The following CHST6 variants were observed in gnomAD, a reference collection of about 807,000 sequenced individuals.
The protein encoded by CHST6 is carbohydrate sulfotransferase 6.
For missense variants in CHST6, 698 were observed against 586.2 expected, an observed-to-expected ratio of 1.19 and a Z score of -1.97; for synonymous variants, 309 against 276.4, an observed-to-expected ratio of 1.12 and a Z score of -1.17.
rs751949248 is a variant in CHST6 at position 75,478,972 on chromosome 16, G to A, written c.857C>T (p.Ala286Val). 2.7e-5 allele frequency: 44 copies of A among 1,612,804 alleles called. 1 individual carries two copies. The Admixed American group carries it at 6.7e-4, about 24-fold the overall frequency. Residue 286 changes from alanine (A) to valine (V), a missense_variant, in exon 3 of 3, where the codon GCG becomes GTG. Ala to Val is a moderately conservative substitution (Grantham distance 64, BLOSUM62 0). Coordinates refer to ENST00000332272, the MANE Select transcript of CHST6 (RefSeq NM_021615.5). Reference protein sequence around the residue: ...LAREPLAEIRALYAFTGLSLT... With the variant: ...LAREPLAEIRVLYAFTGLSLT... ...ACTGAGCCCAGTGAAGGCGTAGAGC[G>A]CACGGATTTCTGCCAGCGGCTCCCG...
rs545535100 is a variant in CHST6, at chr16:75,484,184, A to G, written c.-91-2293T>C. Among the ~76,000 whole-genome samples the G allele has an allele frequency of 7.9e-5, 12 of 151,782 alleles. No individual in the cohort carries two copies. The South Asian group carries it at 2.5e-3, about 32-fold the overall frequency. ...GAAACCCCGTCTCTACTAAAAATAT[A>G]AAAATAGCCAGGCATGATGGCAGGC... On this transcript the variant is annotated intron_variant, in intron 1 of 2. Transcript: ENST00000332272.
In CHST6 at chr16:75,474,426, C is replaced by T. The variant is rs149232352; in HGVS notation, c.*4215G>A. The T allele has an allele frequency of 9.0e-4, 349 of 389,474 alleles. No individual in the cohort carries two copies. The highest frequency in any genetic ancestry group is 6.8e-3 in the African/African-American group (329 of 48,540). The allele number at this position is 389,474 out of a possible 1,614,324, so 24.1% of individuals were successfully genotyped here. Reference sequence around the variant, plus strand: ...AGTAGCTAGGACTACAGGTGCACGACACCATGCCCTGCTAATTTTTTTTTA... The same window carrying T: ...AGTAGCTAGGACTACAGGTGCACGATACCATGCCCTGCTAATTTTTTTTTA... On this transcript the variant is annotated 3_prime_UTR_variant, in exon 3 of 3. Coordinates refer to ENST00000332272, the MANE Select transcript of CHST6 (RefSeq NM_021615.5).
At chr16:75,485,101 A>C (rs1024312864) in intron 1 of CHST6, among the ~76,000 whole-genome samples, 1 of 152,178 alleles carries the variant, frequency 6.6e-6, no homozygotes, top group Non-Finnish European at 1.5e-5. Context: ...ATGATGATGA[A>C]AATGATCATA....
Position 75,472,056 on chromosome 16 carries a change from G to C in CHST6, c.*6585C>G, listed in dbSNP as rs145770993. 6.6e-6 allele frequency: 1 copy of C among 152,218 alleles called. No homozygotes were observed. The highest frequency in any genetic ancestry group is 1.5e-5 in the Non-Finnish European group (1 of 68,044). The allele number at this position is 152,218 out of a possible 1,614,324, so 9.4% of individuals were successfully genotyped here. A position where few individuals can be genotyped will look rare whatever the true frequency, so the allele number is the denominator to read the frequency against. On this transcript the variant is annotated 3_prime_UTR_variant, in exon 3 of 3. Coordinates refer to ENST00000332272, the MANE Select transcript of CHST6 (RefSeq NM_021615.5). ...GACTACTAAAGTACTGGAAGCAAGCGTGAAGACCATTTTTATCACTGTAGC... is the reference window on the plus strand; with the variant it reads ...GACTACTAAAGTACTGGAAGCAAGCCTGAAGACCATTTTTATCACTGTAGC...
intron 1 of CHST6, among the ~76,000 whole-genome samples, chr16:75,491,190 A>AAAAAAATATATATAT (rs1206595857): frequency 8.0e-4 from 40 of 50,052 alleles, no homozygotes; most frequent in African/African-American, 9.9e-4. Context: ...AAAAAAAAAA[A>AAAAAAATATATATAT]ATATATATAT....
In CHST6 at chr16:75,474,239, C is replaced by T. The variant is rs2080043501; in HGVS notation, c.*4402G>A. On this transcript the variant is annotated 3_prime_UTR_variant, in exon 3 of 3. Transcript: ENST00000332272. Reference sequence around the variant, plus strand: ...TCTGTCTTTTCATTAAAAAGTCTCTCTTAATCTGTTTTGTTTTGCTATAAC... The same window carrying T: ...TCTGTCTTTTCATTAAAAAGTCTCTTTTAATCTGTTTTGTTTTGCTATAAC... 4.8e-6 allele frequency: 1 copy of T among 206,256 alleles called. No individual in the cohort carries two copies. Among genetic ancestry groups the T allele is most frequent in the Non-Finnish European group, 9.6e-6 (1 of 103,662 alleles). 12.8% of individuals were successfully genotyped at this position (206,256 alleles called of 1,614,324 possible). A position where few individuals can be genotyped will look rare whatever the true frequency, so the allele number is the denominator to read the frequency against.
At chr16:75,482,738 G>T (rs2738812) in intron 1 of CHST6, among the ~76,000 whole-genome samples, 98,775 of 151,746 alleles carry the variant, frequency 0.65, 32,227 homozygotes, top group Admixed American at 0.73. Context: ...CTCCTTGCCT[G>T]CCCCCTTCCC....
intron 1 of CHST6, among the ~76,000 whole-genome samples, chr16:75,490,161 G>A (rs1203168195): frequency 3.5e-5 from 4 of 115,630 alleles, no homozygotes; most frequent in Admixed American, 1.1e-4. Context: ...GAACAAGAGC[G>A]AGACTTTGCC....
intron 1 of CHST6, among the ~76,000 whole-genome samples, chr16:75,487,818 A>AG (rs1157777393): frequency 6.6e-6 from 1 of 150,988 alleles, no homozygotes; most frequent in African/African-American, 2.4e-5. Flanking sequence ...AAAAAAAAAA[A>AG]AAAAAAAAAA....
chr16:75,490,088 G>A (rs1053012389), intron 1 of CHST6, among the ~76,000 whole-genome samples: 5 of 147,546 alleles, frequency 3.4e-5, no homozygotes, highest in Admixed American at 7.0e-5. Flanking sequence ...AGGGAGAATC[G>A]CTTGAACCCG....
In CHST6 at chr16:75,491,181, AAAAAAAAAAAT is replaced by A. The variant is rs1241446058; in HGVS notation, c.-92+3748_-92+3758del. 1.3e-4 allele frequency among the ~76,000 whole-genome samples: 11 copies of A among 85,900 alleles called. 2 individuals are homozygous for A. Among genetic ancestry groups the A allele is most frequent in the African/African-American group, 4.1e-4 (9 of 21,822 alleles). The allele number at this position is 85,900 out of a possible 152,430, so 56.4% of individuals were successfully genotyped here. ...ACTCCGTCTTAAAAAAAAAAAAAAA[AAAAAAAAAAAT>A]ATATATATATATATATATATATATA... is the stretch of plus-strand genomic sequence containing the variant. On this transcript the variant is annotated intron_variant, in intron 1 of 2. Coordinates refer to ENST00000332272, the MANE Select transcript of CHST6 (RefSeq NM_021615.5).
Position 75,474,732 on chromosome 16 carries a change from A to G in CHST6, c.*3909T>C. The G allele has an allele frequency of 5.0e-6, 2 of 398,574 alleles. No homozygotes were observed. Among genetic ancestry groups the G allele is most frequent in the Non-Finnish European group, 8.8e-6 (2 of 226,050 alleles). 24.7% of individuals were successfully genotyped at this position (398,574 alleles called of 1,614,324 possible). On this transcript the variant is annotated 3_prime_UTR_variant, in exon 3 of 3. Coordinates refer to ENST00000332272, the MANE Select transcript of CHST6 (RefSeq NM_021615.5). ...GAAGGGCAAAGTGAGGGCGAGAGAA[A>G]GACAAAGAATGAACTCCTTCATTTA...
Position 75,479,667 on chromosome 16 carries a change from G to C in CHST6, c.162C>G (p.Ser54=). 1 of 1,612,550 alleles carries C rather than the reference G, an allele frequency of 6.2e-7. No homozygotes were observed. Among genetic ancestry groups the C allele is most frequent in the Non-Finnish European group, 8.5e-7 (1 of 1,179,674 alleles). Residue 54 remains serine (S), a synonymous_variant, in exon 3 of 3, where the codon TCC becomes TCG. Transcript: ENST00000332272. ...GCTGGTTGAAGAGTTGGCCCACGAA[G>C]GACGAGCCCGAGCGCCACGAGGACA... The part of the protein sequence containing the change: ...LVLSSWRSGS[S]FVGQLFNQHP...
intron 2 of CHST6, among the ~76,000 whole-genome samples, chr16:75,480,434 G>A (rs2080127245): frequency 6.6e-6 from 1 of 152,156 alleles, no homozygotes; most frequent in Non-Finnish European, 1.5e-5. Flanking sequence ...GATGATACCA[G>A]CACATAATAC....
Position 75,481,893 on chromosome 16 carries a change from T to C in CHST6, c.-91-2A>G. 2.1e-6 allele frequency: 1 copy of C among 481,450 alleles called. No homozygotes were observed. Among genetic ancestry groups the C allele is most frequent in the Non-Finnish European group, 4.2e-6 (1 of 239,718 alleles). The allele number at this position is 481,450 out of a possible 1,614,324, so 29.8% of individuals were successfully genotyped here. A position where few individuals can be genotyped will look rare whatever the true frequency, so the allele number is the denominator to read the frequency against. On this transcript the variant is annotated splice_acceptor_variant, in intron 1 of 2. Transcript: ENST00000332272. LOFTEE classifies it low-confidence loss of function (5UTR_SPLICE). Reference sequence around the variant, plus strand: ...AGATGATTAGAGGTTCCTCAGCACCTGGTAAAGCAGGAGGGCGATGGAGTC... The same window carrying C: ...AGATGATTAGAGGTTCCTCAGCACCCGGTAAAGCAGGAGGGCGATGGAGTC...
At chr16:75,491,190 A>AAAATATATAT (rs1206595857) in intron 1 of CHST6, among the ~76,000 whole-genome samples, 35 of 50,068 alleles carry the variant, frequency 7.0e-4, no homozygotes, top group South Asian at 1.1e-3. Flanking sequence ...AAAAAAAAAA[A>AAAATATATAT]ATATATATAT....
At chr16:75,488,950 G>A (rs763095812) in intron 1 of CHST6, among the ~76,000 whole-genome samples, 7 of 152,042 alleles carry the variant, frequency 4.6e-5, no homozygotes, top group Admixed American at 3.9e-4. Context: ...TGTTCATGGG[G>A]GGCAGGAACA....
chr16:75,481,847 C>T lies in CHST6; in HGVS notation c.-47G>A, dbSNP rs537330126. 15 of 594,168 alleles carry T rather than the reference C, an allele frequency of 2.5e-5. No homozygotes were observed. Among genetic ancestry groups the T allele is most frequent in the South Asian group, 1.6e-4 (11 of 66,876 alleles). The allele number at this position is 594,168 out of a possible 1,614,324, so 36.8% of individuals were successfully genotyped here. ...TCCAGGGCTGCTGGGAGAGCTGCAA[C>T]GCTGATCACAAATCCATGGGAGATG... On this transcript the variant is annotated 5_prime_UTR_variant, in exon 2 of 3. Transcript: ENST00000332272.
intron 2 of CHST6, 53 bp from the exon 3 acceptor site, chr16:75,479,897 T>C (rs1267415488): frequency 1.4e-6 from 2 of 1,470,102 alleles, no homozygotes; most frequent in South Asian, 1.2e-5. Flanking sequence ...GCCCATCCCG[T>C]ACCCCACTGC....
Sources: allele counts gnomAD v4.1 joint callset (sites outside exome capture counted in the v4.1 genomes callset), GRCh38; gene constraint gnomAD v4.1.1; transcripts MANE v1.5; gene names NCBI Gene and HGNC (gene_info 2026-07-23, HGNC 2026-07-21).